Variants in VAPB observed in about 807,000 individuals in gnomAD.
VAPB encodes vesicle-associated membrane protein-associated protein B/C.
Under a neutral mutation model 25.6 loss-of-function variants are expected in VAPB, and 7 were observed. That is an observed-to-expected ratio of 0.27 (90% CI 0.16 to 0.51). VAPB has a LOEUF of 0.51. Among genes scored for constraint, VAPB ranks in the 20% least tolerant of loss-of-function variants. VAPB has a pLI of 0.97. For synonymous variants in VAPB, 112 were observed against 109.2 expected, an observed-to-expected ratio of 1.03 and a Z score of -0.16; for missense variants, 266 against 301.3, an observed-to-expected ratio of 0.88 and a Z score of 0.87.
intron 1 of VAPB, among the ~76,000 whole-genome samples, chr20:58,415,604 A>G (rs1489924977): frequency 6.6e-6 from 1 of 152,176 alleles, no homozygotes; most frequent in Non-Finnish European, 1.5e-5. Context: ...TTTTATCTCT[A>G]AAAAGGAAAA....
chr20:58,432,124 G>A (rs937158114), intron 2 of VAPB, among the ~76,000 whole-genome samples: 1 of 152,080 alleles, frequency 6.6e-6, no homozygotes, highest in African/African-American at 2.4e-5. Flanking sequence ...TGGACACAGT[G>A]CTCTTGGCTG....
At position 58,441,009 on chromosome 20, in the gene VAPB, A is replaced by G. The variant is rs771259731; in HGVS notation, c.499A>G (p.Lys167Glu). 6.2e-7 allele frequency: 1 copy of G among 1,614,138 alleles called. No individual in the cohort carries two copies. The highest frequency in any genetic ancestry group is 8.5e-7 in the Non-Finnish European group (1 of 1,180,020). Reference protein sequence around the residue: ...LSSSLDDTEVKKVMEECKRLQ... With the variant: ...LSSSLDDTEVEKVMEECKRLQ... ...TTCTTCTTTGGATGACACCGAAGTTAAGAAGGTTATGGAAGAATGTAAGAG... is the reference window on the plus strand; with the variant it reads ...TTCTTCTTTGGATGACACCGAAGTTGAGAAGGTTATGGAAGAATGTAAGAG... Residue 167 changes from lysine to glutamate, a missense_variant, in exon 5 of 6, where the codon AAG becomes GAG. This residue lies in a region of VAPB where 136 missense variants were observed against 130.7 expected (regional missense o/e 1.04). Transcript: ENST00000475243.
chr20:58,393,687 G>A (rs1372276024), intron 1 of VAPB, among the ~76,000 whole-genome samples: 1 of 151,830 alleles, frequency 6.6e-6, no homozygotes. Flanking sequence ...ATGGTCTGTT[G>A]AACATCCATC....
intron 2 of VAPB, among the ~76,000 whole-genome samples, chr20:58,421,632 T>C (rs1168313366): frequency 6.6e-6 from 1 of 152,132 alleles, no homozygotes; most frequent in African/African-American, 2.4e-5. Flanking sequence ...CTGAAAACCC[T>C]TGGAATGCAC....
chr20:58,438,471 G>A (rs973947154), intron 3 of VAPB, among the ~76,000 whole-genome samples: 2 of 152,084 alleles, frequency 1.3e-5, no homozygotes, highest in Non-Finnish European at 2.9e-5. Flanking sequence ...TAGAGATGAC[G>A]TCTCCTTACG....
intron 1 of VAPB, among the ~76,000 whole-genome samples, chr20:58,403,484 T>C (rs1359548067): frequency 6.6e-6 from 1 of 152,228 alleles, no homozygotes. Context: ...GTTTCTGGTA[T>C]CTTTACTCTT....
At chr20:58,421,966 C>T (rs145176831) in intron 2 of VAPB, among the ~76,000 whole-genome samples, 1 of 152,322 alleles carries the variant, frequency 6.6e-6, no homozygotes, top group Admixed American at 6.5e-5. Flanking sequence ...CTATTTTCTT[C>T]AGAACACGGC....
intron 1 of VAPB, among the ~76,000 whole-genome samples, chr20:58,399,533 A>G (rs1385798256): frequency 2.0e-5 from 3 of 151,906 alleles, no homozygotes; most frequent in Non-Finnish European, 2.9e-5. Flanking sequence ...CCTGGTCAAC[A>G]TGGTGAAACC....
intron 1 of VAPB, among the ~76,000 whole-genome samples, chr20:58,408,012 G>GCATGTCTT (rs1410681627): frequency 6.6e-6 from 1 of 151,982 alleles, no homozygotes; most frequent in Non-Finnish European, 1.5e-5. Context: ...AAATACAGTA[G>GCATGTCTT]CATGTCTTCC....
chr20:58,389,302 A>AAC lies in VAPB; in HGVS notation c.-158_-157insAC. ...CCCTGCGCCTGCACCGCGTAGACCGACCCCCCCCCAGCGCGCCCACCCGGT... is the reference window on the plus strand; with the variant it reads ...CCCTGCGCCTGCACCGCGTAGACCGAACCCCCCCCCCAGCGCGCCCACCCGGT... On this transcript the variant is annotated 5_prime_UTR_variant, in exon 1 of 6. Coordinates refer to ENST00000475243, the MANE Select transcript of VAPB (RefSeq NM_004738.5). 4 of 399,634 alleles carry AAC rather than the reference A, an allele frequency of 1.0e-5. No individual in the cohort carries two copies. The highest frequency in any genetic ancestry group is 4.9e-6 in the Non-Finnish European group (1 of 202,554). 24.8% of individuals were successfully genotyped at this position (399,634 alleles called of 1,614,324 possible).
Position 58,444,702 on chromosome 20 carries a change from G to A in VAPB, c.*467G>A, listed in dbSNP as rs141496875. Reference sequence around the variant, plus strand: ...CCACTCCCGGCCCAGGCTGCTTTCCGTGTCTTCAGTTCTGTCCAAGCCATC... The same window carrying A: ...CCACTCCCGGCCCAGGCTGCTTTCCATGTCTTCAGTTCTGTCCAAGCCATC... On this transcript the variant is annotated 3_prime_UTR_variant, in exon 6 of 6. Transcript: ENST00000475243. 1.2e-3 allele frequency: 541 copies of A among 454,414 alleles called. 6 individuals carry two copies. The highest frequency in any genetic ancestry group is 9.8e-3 in the African/African-American group (492 of 50,122). The allele number at this position is 454,414 out of a possible 1,614,324, so 28.1% of individuals were successfully genotyped here.
At chr20:58,419,375 G>C (rs1249374318) in intron 2 of VAPB, among the ~76,000 whole-genome samples, 1 of 152,176 alleles carries the variant, frequency 6.6e-6, no homozygotes, top group Non-Finnish European at 1.5e-5. Flanking sequence ...ACCCATGCCA[G>C]CTCTCCCCCT....
At position 58,434,642 on chromosome 20, in the gene VAPB, T is replaced by C. The variant is rs2123088934; in HGVS notation, c.252T>C (p.Ser84=). Residue 84 remains serine, a synonymous_variant, in exon 3 of 6, where the codon AGT becomes AGC. Coordinates refer to ENST00000475243, the MANE Select transcript of VAPB (RefSeq NM_004738.5). ...TCGATTATGATCCCAATGAGAAAAG[T>C]AAACACAAGTTTATGGTTCAGTCTA... ...QPFDYDPNEK[S]KHKFMVQSMF... is the part of the protein sequence containing the mutation. The C allele has an allele frequency of 6.2e-7, 1 of 1,600,338 alleles. No homozygotes were observed. The highest frequency in any genetic ancestry group is 8.6e-7 in the Non-Finnish European group (1 of 1,167,872).
chr20:58,428,676 C>G, intron 2 of VAPB, among the ~76,000 whole-genome samples: 1 of 152,134 alleles, frequency 6.6e-6, no homozygotes, highest in East Asian at 1.9e-4. Context: ...CTTTTATAGT[C>G]TGCCATGGTA....
Position 58,446,190 on chromosome 20 carries a change from G to A in VAPB, c.*1955G>A, listed in dbSNP as rs529156952. On this transcript the variant is annotated 3_prime_UTR_variant, in exon 6 of 6. Transcript: ENST00000475243. ...AGGGAGGCCACCCCAATAGGAATTCGTCTCCAGGATTTTTCCCATGTGTCC... is the reference window on the plus strand; with the variant it reads ...AGGGAGGCCACCCCAATAGGAATTCATCTCCAGGATTTTTCCCATGTGTCC... The A allele has an allele frequency of 6.2e-5, 28 of 454,058 alleles. 1 individual carries two copies. Among genetic ancestry groups the A allele is most frequent in the South Asian group, 1.7e-4 (11 of 64,468 alleles). The allele number at this position is 454,058 out of a possible 1,614,324, so 28.1% of individuals were successfully genotyped here.
In VAPB at chr20:58,445,936, A is replaced by AG. The variant is rs1989280758; in HGVS notation, c.*1703dup. ...TGAGAGGACAAGTTCATCAGAAGGA[A>AG]GGCAGTCCTTAGAAGTCACATACGT... is the stretch of plus-strand genomic sequence containing the variant. On this transcript the variant is annotated 3_prime_UTR_variant, in exon 6 of 6. Transcript: ENST00000475243. The AG allele has an allele frequency of 2.2e-6, 1 of 454,104 alleles. No homozygotes were observed. 28.1% of individuals were successfully genotyped at this position (454,104 alleles called of 1,614,324 possible). A position where few individuals can be genotyped will look rare whatever the true frequency, so the allele number is the denominator to read the frequency against.
chr20:58,450,964 AC>A lies in VAPB; in HGVS notation c.*6731del. 1 of 454,122 alleles carries A rather than the reference AC, an allele frequency of 2.2e-6. No homozygotes were observed. The highest frequency in any genetic ancestry group is 1.6e-5 in the South Asian group (1 of 64,464). The allele number at this position is 454,122 out of a possible 1,614,324, so 28.1% of individuals were successfully genotyped here. The stretch of plus-strand genomic sequence containing the variant: ...GGAGATGTATTTCTGCAGGGTCCAG[AC>A]CAAAAGAGCCATTTACAGCATGTTC... On this transcript the variant is annotated 3_prime_UTR_variant, in exon 6 of 6. Transcript: ENST00000475243.
chr20:58,409,363 T>C lies in VAPB; in HGVS notation c.59-8848T>C, dbSNP rs187469658. ...AAAGGGTAAAATTTAAAAATATTAA[T>C]AAGATATCCAACAGATTTTGCTTTA... On this transcript the variant is annotated intron_variant, in intron 1 of 5. Coordinates refer to ENST00000475243, the MANE Select transcript of VAPB (RefSeq NM_004738.5). 7.9e-5 allele frequency among the ~76,000 whole-genome samples: 12 copies of C among 152,328 alleles called. No homozygotes were observed. In the East Asian group the frequency reaches 1.7e-3, roughly 22 times the overall value.
chr20:58,444,797 C>T lies in VAPB; in HGVS notation c.*562C>T, dbSNP rs768712138. 42 of 454,552 alleles carry T rather than the reference C, an allele frequency of 9.2e-5. No homozygotes were observed. Among genetic ancestry groups the T allele is most frequent in the Admixed American group, 1.4e-4 (6 of 42,580 alleles). 28.2% of individuals were successfully genotyped at this position (454,552 alleles called of 1,614,324 possible). A position where few individuals can be genotyped will look rare whatever the true frequency, so the allele number is the denominator to read the frequency against. ...GCACTGTGGCAGCATCAGACGTACT[C>T]GTCATAAGTGAGAGGCGTGTGTTGA... On this transcript the variant is annotated 3_prime_UTR_variant, in exon 6 of 6. Transcript: ENST00000475243.
Sources: gnomAD v4.1 joint callset for allele counts (sites outside exome capture counted in the v4.1 genomes callset) on GRCh38, gnomAD v4.1.1 for gene constraint, gnomAD v4.1.1 regional missense constraint, MANE v1.5 for transcripts, NCBI Gene and HGNC (gene_info 2026-07-23, HGNC 2026-07-21) for gene names.